Variants in DNAH11 observed in about 807,000 individuals in gnomAD.
DNAH11 encodes dynein axonemal heavy chain 11.
A neutral mutation model predicts 526.0 loss-of-function variants in DNAH11; 442 were observed. That is an observed-to-expected ratio of 0.84 (90% CI 0.78 to 0.91). The LOEUF (loss-of-function observed/expected upper bound fraction) is 0.91, where lower values mean the gene tolerates loss of function less well. DNAH11 is among the 40% of genes least tolerant of loss of function. The pLI, the probability that DNAH11 is intolerant of heterozygous loss-of-function variation, is 0.00. For missense variants in DNAH11, 6,989 were observed against 5,448.7 expected, an observed-to-expected ratio of 1.28 and a Z score of -8.90; for synonymous variants, 2,461 against 1,935.9, an observed-to-expected ratio of 1.27 and a Z score of -7.12.
At chr7:21,735,115 AGC>A (rs1785545751) in intron 45 of DNAH11, among the ~76,000 whole-genome samples, 1 of 152,170 alleles carries the variant, frequency 6.6e-6, no homozygotes, top group Non-Finnish European at 1.5e-5. Context: ...GGCTGCAGTG[AGC>A]CATGATCATG....
rs1023105453 is a variant in DNAH11 at position 21,864,449 on chromosome 7, T to A, written c.11374-86T>A. On this transcript the variant is annotated intron_variant, in intron 69 of 81. Transcript: ENST00000409508. ...AGCAGGTATGGTTCTGCCTACTCAG[T>A]CATGTCTGTTAAATGTGTGACTACT... The A allele has an allele frequency of 2.2e-6, 3 of 1,386,852 alleles. No homozygotes were observed. In the African/African-American group the frequency reaches 4.3e-5, roughly 20 times the overall value. 85.9% of individuals were successfully genotyped at this position (1,386,852 alleles called of 1,614,324 possible). A position where few individuals can be genotyped will look rare whatever the true frequency, so the allele number is the denominator to read the frequency against.
chr7:21,720,080 C>T (rs1357483823), intron 43 of DNAH11, among the ~76,000 whole-genome samples: 6 of 152,188 alleles, frequency 3.9e-5, no homozygotes, highest in East Asian at 1.9e-4. Context: ...ATGAAGAACA[C>T]GTTCCTGAGT....
chr7:21,873,784 CTTTTTT>C (rs57333575), intron 74 of DNAH11, among the ~76,000 whole-genome samples: 3 of 70,700 alleles, frequency 4.2e-5, no homozygotes, highest in Non-Finnish European at 7.0e-5. Flanking sequence ...GAGGAGGTTG[CTTTTTT>C]TTTTTTTTTT....
intron 9 of DNAH11, among the ~76,000 whole-genome samples, chr7:21,586,829 A>G (rs1205597930): frequency 2.0e-5 from 3 of 152,218 alleles, no homozygotes; most frequent in Admixed American, 6.5e-5. Context: ...TAAAGCCCAC[A>G]CAGAATGATC....
chr7:21,639,902 A>G (rs376114698), intron 28 of DNAH11, among the ~76,000 whole-genome samples: 14 of 151,588 alleles, frequency 9.2e-5, no homozygotes, highest in East Asian at 1.9e-4. Flanking sequence ...TACTCTAGAT[A>G]TTTTTTGTGC....
chr7:21,831,384 T>C (rs981706727), intron 65 of DNAH11, among the ~76,000 whole-genome samples: 1 of 152,148 alleles, frequency 6.6e-6, no homozygotes, highest in African/African-American at 2.4e-5. Flanking sequence ...TTTTCCCAGA[T>C]AGGAAATTAA....
At chr7:21,693,209 T>G (rs950161834) in intron 35 of DNAH11, among the ~76,000 whole-genome samples, 4 of 152,210 alleles carry the variant, frequency 2.6e-5, no homozygotes, top group African/African-American at 9.6e-5. Flanking sequence ...TAAGCTTTGT[T>G]GTTCTATAGT....
chr7:21,809,308 T>C (rs906999216), intron 63 of DNAH11, among the ~76,000 whole-genome samples: 13 of 152,214 alleles, frequency 8.5e-5, no homozygotes, highest in Non-Finnish European at 1.6e-4. Context: ...GTGAATAGTT[T>C]GCAAGTATTT....
intron 66 of DNAH11, among the ~76,000 whole-genome samples, chr7:21,850,680 A>G (rs938352243): frequency 2.3e-4 from 34 of 145,800 alleles, no homozygotes; most frequent in African/African-American, 8.4e-4. Flanking sequence ...TGAAAACCAG[A>G]CATGATGTAT....
At chr7:21,744,636 A>G (rs1786062854) in intron 50 of DNAH11, 37 bp downstream of exon 50, 1 of 1,605,762 alleles carries the variant, frequency 6.2e-7, no homozygotes, top group Non-Finnish European at 8.5e-7. Flanking sequence ...TACTTACTCC[A>G]ACACCAACTG....
intron 30 of DNAH11, among the ~76,000 whole-genome samples, chr7:21,676,090 A>T (rs1782870474): frequency 6.6e-6 from 1 of 152,168 alleles, no homozygotes; most frequent in Admixed American, 6.5e-5. Flanking sequence ...GAGATAGGAA[A>T]GGAGTGGTGT....
intron 43 of DNAH11, among the ~76,000 whole-genome samples, chr7:21,720,360 C>G (rs547382986): frequency 3.2e-4 from 48 of 151,516 alleles, no homozygotes; most frequent in African/African-American, 1.1e-3. Context: ...AGTTTTTAAT[C>G]AAGGAAGTGG....
At chr7:21,643,548 C>T (rs1184854263) in intron 28 of DNAH11, among the ~76,000 whole-genome samples, 2 of 152,284 alleles carry the variant, frequency 1.3e-5, no homozygotes, top group Non-Finnish European at 2.9e-5. Context: ...TATATGGCTA[C>T]TGAGCACTTG....
chr7:21,582,217 G>A (rs936131560), intron 9 of DNAH11, among the ~76,000 whole-genome samples, 196 bp downstream of exon 9: 2 of 152,100 alleles, frequency 1.3e-5, no homozygotes, highest in African/African-American at 4.8e-5. Flanking sequence ...GATTATTTTA[G>A]GACATTTAGT....
chr7:21,657,843 G>T (rs559147505), intron 29 of DNAH11, among the ~76,000 whole-genome samples: 7 of 152,272 alleles, frequency 4.6e-5, no homozygotes, highest in Admixed American at 4.6e-4. Context: ...TTTCAAGAGA[G>T]GAGGTTGTCC....
intron 55 of DNAH11, among the ~76,000 whole-genome samples, chr7:21,767,759 C>CT (rs1787242827): frequency 6.6e-6 from 1 of 152,108 alleles, no homozygotes; most frequent in African/African-American, 2.4e-5. Context: ...CCTGTGGTGT[C>CT]TTTTCTGTAG....
In DNAH11 at chr7:21,868,003, T is replaced by G. The variant is rs1383716328; in HGVS notation, c.11835T>G (p.Ile3945Met). 2 of 1,531,418 alleles carry G rather than the reference T, an allele frequency of 1.3e-6. No homozygotes were observed. Among genetic ancestry groups the G allele is most frequent in the South Asian group, 1.3e-5 (1 of 79,070 alleles). 94.9% of individuals were successfully genotyped at this position (1,531,418 alleles called of 1,614,324 possible). ...PGVDALKDLE[I>M]LGKRLGFTID... ...TAGATGCCCTTAAAGACCTGGAGAT[T>G]CTTGGTGAGTGGCTGGGAGGCTCGC... The change falls in exon 72 of 82, where the codon ATT becomes ATG. Residue 3945 changes from isoleucine to methionine, a missense_variant. By Grantham distance (10) the Ile-to-Met change is conservative (BLOSUM62 1). Transcript: ENST00000409508.
rs1235352381 is a variant in DNAH11, at chr7:21,697,637, A to G, written c.6042-438A>G. On this transcript the variant is annotated intron_variant, in intron 35 of 81. Transcript: ENST00000409508. ...CCACATTTAGTGATATTGTGTTGGT[A>G]TCTTGGAATCAGCCATGGTGGAAGA... is the stretch of plus-strand genomic sequence containing the variant. Among the ~76,000 whole-genome samples, 3 of 152,138 alleles carry G rather than the reference A, an allele frequency of 2.0e-5. No homozygotes were observed. The East Asian group carries it at 5.8e-4, about 29-fold the overall frequency.
Position 21,559,597 on chromosome 7 carries a change from T to C in DNAH11, c.693-6T>C. The C allele has an allele frequency of 6.3e-7, 1 of 1,594,710 alleles. No homozygotes were observed. Among genetic ancestry groups the C allele is most frequent in the Non-Finnish European group, 8.5e-7 (1 of 1,169,918 alleles). ...TTGAATTATTTTATTATCTTAATGTTTGTAGGCCACCGTCAAACGAAAGGA... is the reference window on the plus strand; with the variant it reads ...TTGAATTATTTTATTATCTTAATGTCTGTAGGCCACCGTCAAACGAAAGGA... On this transcript the variant is annotated splice_polypyrimidine_tract_variant and splice_region_variant and intron_variant, in intron 3 of 81. Coordinates refer to ENST00000409508, the MANE Select transcript of DNAH11 (RefSeq NM_001277115.2).
Sources: gnomAD v4.1 joint callset for allele counts (sites outside exome capture counted in the v4.1 genomes callset) on GRCh38, gnomAD v4.1.1 for gene constraint, MANE v1.5 for transcripts, NCBI Gene and HGNC (gene_info 2026-07-23, HGNC 2026-07-21) for gene names.